The following TTC4 variants were observed in gnomAD, a reference collection of about 807,000 sequenced individuals.
TTC4 encodes the protein hsp70/Hsp90 co-chaperone CNS1 homolog.
In TTC4, 36 loss-of-function variants were observed where a neutral mutation model predicts 51.9. That is an observed-to-expected ratio of 0.69 (90% CI 0.53 to 0.92). The LOEUF is 0.92. Among genes scored for constraint, TTC4 ranks in the 40% least tolerant of loss-of-function variants. The pLI, the probability that TTC4 is intolerant of heterozygous loss-of-function variation, is 0.00. For missense variants in TTC4, 399 were observed against 454.6 expected (o/e 0.88, Z 1.11); for synonymous variants, 144 against 164.2 (o/e 0.88, Z 0.94).
intron 9 of TTC4, among the ~76,000 whole-genome samples, chr1:54,738,804 A>G (rs1256104414): frequency 6.6e-6 from 1 of 151,916 alleles, no homozygotes; most frequent in Admixed American, 6.6e-5. Flanking sequence ...CTGGGATTAC[A>G]GGCGCCTGCC....
At chr1:54,718,346 G>A (rs1027521457) in intron 3 of TTC4, among the ~76,000 whole-genome samples, 8 of 152,156 alleles carry the variant, frequency 5.3e-5, no homozygotes, top group Non-Finnish European at 1.2e-4. Flanking sequence ...GTGACAAAGT[G>A]AGACCCTGTT....
chr1:54,719,292 G>C (rs1323125891), intron 3 of TTC4, among the ~76,000 whole-genome samples: 1 of 127,060 alleles, frequency 7.9e-6, no homozygotes, highest in Non-Finnish European at 1.6e-5. Flanking sequence ...ATCAGTTCCT[G>C]AGTCCTGAGT....
In TTC4 at chr1:54,716,689, T is replaced by C. The variant is rs147584090; in HGVS notation, c.201T>C (p.Ile67=). The C allele has an allele frequency of 6.2e-6, 10 of 1,613,100 alleles. No individual in the cohort carries two copies. The African/African-American group carries it at 1.2e-4, about 19-fold the overall frequency. The change falls in exon 2 of 10, where the codon ATT becomes ATC. Residue 67 remains isoleucine, a synonymous_variant. Transcript: ENST00000371281. The part of the protein sequence containing the change: ...ENPDLACLQS[I]IFDEERSPEE... ...CTGACTTGGCTTGTCTCCAGTCAAT[T>C]ATTTTTGATGAGGAGCGTTCTCCAG... is the stretch of plus-strand genomic sequence containing the variant.
chr1:54,719,475 G>A (rs1290167607), intron 3 of TTC4, among the ~76,000 whole-genome samples: 1 of 152,184 alleles, frequency 6.6e-6, no homozygotes, highest in Non-Finnish European at 1.5e-5. Context: ...AGAGAGTGGG[G>A]ATTGAGTTAA....
At chr1:54,721,329 G>C in intron 4 of TTC4, 89 bp downstream of exon 4, 2 of 1,330,674 alleles carry the variant, frequency 1.5e-6, no homozygotes, top group Non-Finnish European at 2.1e-6. Flanking sequence ...TTTGCAGTCT[G>C]GGTATTAAGT....
chr1:54,736,195 A>AGC (rs1553181649), intron 8 of TTC4, among the ~76,000 whole-genome samples: 9 of 131,622 alleles, frequency 6.8e-5, no homozygotes, highest in Non-Finnish European at 1.4e-4. Context: ...AGAGAGAGAG[A>AGC]GAGAGAGAGA....
intron 7 of TTC4, among the ~76,000 whole-genome samples, 159 bp downstream of exon 7, chr1:54,731,859 T>TGAACCTGGACTA (rs2101343790): frequency 1.3e-5 from 2 of 151,998 alleles, no homozygotes; most frequent in South Asian, 4.2e-4. Flanking sequence ...TGTAGCTGAC[T>TGAACCTGGACTA]GAACCTTGAC....
intron 6 of TTC4, among the ~76,000 whole-genome samples, chr1:54,729,675 A>C (rs72909888): frequency 0.12 from 18,101 of 151,390 alleles, 1,814 homozygotes; most frequent in African/African-American, 0.27. Context: ...CCTGTTTGAG[A>C]TTGTTTGGTC....
At chr1:54,730,517 A>G (rs1645852701) in intron 6 of TTC4, among the ~76,000 whole-genome samples, 1 of 152,160 alleles carries the variant, frequency 6.6e-6, no homozygotes, top group Admixed American at 6.5e-5. Flanking sequence ...TTTGACAGAG[A>G]CCATTGTCCA....
In TTC4 at chr1:54,733,344, C is replaced by T. The variant is rs181655183; in HGVS notation, c.897-285C>T. Among the ~76,000 whole-genome samples, 126 of 151,284 alleles carry T rather than the reference C, an allele frequency of 8.3e-4. 1 individual carries two copies. Among genetic ancestry groups the T allele is most frequent in the African/African-American group, 2.9e-3 (118 of 41,254 alleles). ...CTAAGGTAGAGGAATTGCTTAAGCC[C>T]GGAAGTCGAGGCTACAGTGAGCTGT... On this transcript the variant is annotated intron_variant, in intron 7 of 9. Transcript: ENST00000371281.
intron 7 of TTC4, among the ~76,000 whole-genome samples, chr1:54,732,448 G>A (rs11488224): frequency 0.12 from 17,439 of 149,418 alleles, 1,715 homozygotes; most frequent in African/African-American, 0.26. Flanking sequence ...TGTAAGAAAA[G>A]TTTTTTTGTA....
At chr1:54,736,262 G>C (rs1645940033) in intron 8 of TTC4, among the ~76,000 whole-genome samples, 1 of 134,332 alleles carries the variant, frequency 7.4e-6, no homozygotes, top group South Asian at 2.7e-4. Flanking sequence ...AGGAGAGAGA[G>C]AGAGAGAGAC....
intron 5 of TTC4, among the ~76,000 whole-genome samples, chr1:54,726,718 G>A (rs1645803697): frequency 6.6e-6 from 1 of 152,224 alleles, no homozygotes; most frequent in African/African-American, 2.4e-5. Flanking sequence ...CATGTTCATA[G>A]ATTAGATCTT....
intron 9 of TTC4, among the ~76,000 whole-genome samples, chr1:54,739,946 G>A (rs2101375517): frequency 6.6e-6 from 1 of 152,290 alleles, no homozygotes; most frequent in South Asian, 2.1e-4. Flanking sequence ...AGCATTTTGG[G>A]AGGCTAAGGC....
At chr1:54,733,964 T>C (rs1645903490) in intron 8 of TTC4, among the ~76,000 whole-genome samples, 1 of 152,212 alleles carries the variant, frequency 6.6e-6, no homozygotes, top group Admixed American at 6.5e-5. Context: ...CTCTAAGTAC[T>C]TCATATAAGT....
rs181799943 is a variant in TTC4, at chr1:54,740,926, G to T, written c.1062-485G>T. Among the ~76,000 whole-genome samples the T allele has an allele frequency of 2.3e-4, 35 of 151,776 alleles. No individual in the cohort carries two copies. The East Asian group carries it at 6.4e-3, about 28-fold the overall frequency. Reference sequence around the variant, plus strand: ...TGGCATCTTCCAGGAAGCCTTTTTTGATTCCCTTCCTCATAGAGGGAATCG... The same window carrying T: ...TGGCATCTTCCAGGAAGCCTTTTTTTATTCCCTTCCTCATAGAGGGAATCG... On this transcript the variant is annotated intron_variant, in intron 9 of 9. Transcript: ENST00000371281.
At chr1:54,719,285 A>G (rs564671772) in intron 3 of TTC4, among the ~76,000 whole-genome samples, 112 of 127,526 alleles carry the variant, frequency 8.8e-4, no homozygotes, top group Non-Finnish European at 1.5e-3. Flanking sequence ...TGGTGCCATC[A>G]GTTCCTGAGT....
In TTC4 at chr1:54,741,743, T is replaced by A; in HGVS notation, c.*230T>A. The A allele has an allele frequency of 8.8e-6, 5 of 567,822 alleles. No individual in the cohort carries two copies. In the South Asian group the frequency reaches 1.1e-4, roughly 12 times the overall value. 35.2% of individuals were successfully genotyped at this position (567,822 alleles called of 1,614,324 possible). A position where few individuals can be genotyped will look rare whatever the true frequency, so the allele number is the denominator to read the frequency against. ...ATAAAACTCTGGGTCTTGGCCATGA[T>A]GTCCTTGGACTCCATCGCTAAAGGG... On this transcript the variant is annotated 3_prime_UTR_variant, in exon 10 of 10. Coordinates refer to ENST00000371281, the MANE Select transcript of TTC4 (RefSeq NM_004623.5).
At chr1:54,725,527 G>A (rs1357927557) in intron 5 of TTC4, among the ~76,000 whole-genome samples, 1 of 152,148 alleles carries the variant, frequency 6.6e-6, no homozygotes, top group Non-Finnish European at 1.5e-5. Context: ...TGAAGGCTAA[G>A]GTAGAATTGT....
Sources: allele counts gnomAD v4.1 joint callset (sites outside exome capture counted in the v4.1 genomes callset), GRCh38; gene constraint gnomAD v4.1.1; transcripts MANE v1.5; gene names NCBI Gene and HGNC (gene_info 2026-07-23, HGNC 2026-07-21).